RAPGEF4: variants seen among roughly 807,000 people sequenced by gnomAD.
RAPGEF4 encodes Rap guanine nucleotide exchange factor 4.
Under a neutral mutation model 147.9 loss-of-function variants are expected in RAPGEF4, and 66 were observed. The observed-to-expected ratio is 0.45, with a 90% CI of 0.37 to 0.55. The LOEUF (loss-of-function observed/expected upper bound fraction) is 0.55. RAPGEF4 is among the 20% of genes least tolerant of loss of function. The pLI, the probability that RAPGEF4 is intolerant of heterozygous loss-of-function variation, is 0.00. For missense variants in RAPGEF4, 1,071 were observed against 1,257.3 expected (o/e 0.85, Z 2.24); for synonymous variants, 419 against 442.7 (o/e 0.95, Z 0.67).
intron 4 of RAPGEF4, among the ~76,000 whole-genome samples, chr2:172,887,889 A>G (rs1020684463): frequency 1.9e-4 from 29 of 152,060 alleles, no homozygotes; most frequent in Non-Finnish European, 4.4e-5. Context: ...AGACTTCTGA[A>G]TTCCTCAAAA....
At chr2:172,819,187 G>C (rs1267800629) in intron 4 of RAPGEF4, among the ~76,000 whole-genome samples, 1 of 151,878 alleles carries the variant, frequency 6.6e-6, no homozygotes, top group African/African-American at 2.4e-5. Context: ...GAGGGTACTG[G>C]GTTGCTCTAT....
intron 4 of RAPGEF4, among the ~76,000 whole-genome samples, chr2:172,910,765 GGA>G (rs1559113857): frequency 6.6e-6 from 1 of 152,238 alleles, no homozygotes; most frequent in African/African-American, 2.4e-5. Context: ...CAGCACCCCA[GGA>G]GAGAGCATTT....
At chr2:172,853,139 T>A (rs1693045237) in intron 4 of RAPGEF4, among the ~76,000 whole-genome samples, 1 of 152,072 alleles carries the variant, frequency 6.6e-6, no homozygotes, top group South Asian at 2.1e-4. Flanking sequence ...GGTATCAGGA[T>A]TATGCTGGCT....
intron 23 of RAPGEF4, among the ~76,000 whole-genome samples, chr2:173,024,029 A>G (rs1271531260): frequency 2.0e-5 from 3 of 152,148 alleles, no homozygotes; most frequent in Non-Finnish European, 2.9e-5. Flanking sequence ...TTGTTTCCAT[A>G]TGCTACTTGC....
At chr2:172,901,806 T>C (rs1699082069) in intron 4 of RAPGEF4, among the ~76,000 whole-genome samples, 2 of 152,174 alleles carry the variant, frequency 1.3e-5, no homozygotes, top group African/African-American at 4.8e-5. Context: ...CCCAGGCAAG[T>C]GTTCTAGGGT....
At chr2:172,865,469 A>G (rs1694531581) in intron 4 of RAPGEF4, among the ~76,000 whole-genome samples, 1 of 152,202 alleles carries the variant, frequency 6.6e-6, no homozygotes, top group South Asian at 2.1e-4. Flanking sequence ...TTTCTTGAGG[A>G]GTCAGCCAAG....
chr2:173,019,419 C>T (rs1329949849), intron 22 of RAPGEF4, among the ~76,000 whole-genome samples: 1 of 152,242 alleles, frequency 6.6e-6, no homozygotes, highest in African/African-American at 2.4e-5. Flanking sequence ...CTCACGTCCC[C>T]AGGTTGTTCC....
chr2:172,880,407 T>C (rs1027724571), intron 4 of RAPGEF4, among the ~76,000 whole-genome samples: 2 of 152,242 alleles, frequency 1.3e-5, no homozygotes, highest in African/African-American at 4.8e-5. Context: ...TGTTTACATG[T>C]CAGTCTTCTT....
chr2:172,817,977 C>T (rs1443619989), intron 4 of RAPGEF4, among the ~76,000 whole-genome samples: 1 of 145,870 alleles, frequency 6.9e-6, no homozygotes, highest in Admixed American at 6.9e-5. Flanking sequence ...TATATATATA[C>T]ACACACACCA....
intron 26 of RAPGEF4, among the ~76,000 whole-genome samples, chr2:173,033,343 T>C (rs1697374327): frequency 6.6e-6 from 1 of 152,190 alleles, no homozygotes; most frequent in Non-Finnish European, 1.5e-5. Context: ...GACTTAATTT[T>C]TTCCATCTGT....
Position 172,917,694 on chromosome 2 carries a change from G to T in RAPGEF4, c.445-108G>T, listed in dbSNP as rs1207755145. The T allele has an allele frequency of 6.6e-6, 6 of 914,252 alleles. No homozygotes were observed. In the East Asian group the frequency reaches 9.6e-5, roughly 15 times the overall value. 56.6% of individuals were successfully genotyped at this position (914,252 alleles called of 1,614,324 possible). On this transcript the variant is annotated intron_variant, in intron 4 of 30. Coordinates refer to ENST00000397081, the MANE Select transcript of RAPGEF4 (RefSeq NM_007023.4). ...CGTTTCATGGCTCTATAAATACAAG[G>T]CTCAGATGCTTCCTGACACCCAGCA... is the stretch of plus-strand genomic sequence containing the variant.
intron 4 of RAPGEF4, among the ~76,000 whole-genome samples, chr2:172,904,335 A>G (rs962190142): frequency 6.6e-6 from 1 of 152,216 alleles, no homozygotes; most frequent in African/African-American, 2.4e-5. Context: ...TCCCATTTAT[A>G]TGTTCACTGG....
chr2:172,804,682 G>A (rs938049930), intron 3 of RAPGEF4, among the ~76,000 whole-genome samples: 3 of 152,186 alleles, frequency 2.0e-5, no homozygotes, highest in Admixed American at 1.3e-4. Context: ...CTGCTCCCAA[G>A]GGCACCTGCT....
chr2:172,783,521 G>A (rs1381996596), intron 1 of RAPGEF4, among the ~76,000 whole-genome samples: 1 of 152,166 alleles, frequency 6.6e-6, no homozygotes, highest in African/African-American at 2.4e-5. Context: ...TGCCCTGTCT[G>A]ACTGATGATC....
intron 30 of RAPGEF4, 95 bp downstream of exon 30, chr2:173,048,749 T>C (rs1428910531): frequency 1.1e-5 from 17 of 1,579,392 alleles, no homozygotes; most frequent in South Asian, 3.5e-5. Flanking sequence ...CTGGGAAATA[T>C]CTGACTGTGT....
intron 4 of RAPGEF4, among the ~76,000 whole-genome samples, chr2:172,832,591 A>C (rs1346082250): frequency 1.3e-5 from 2 of 152,248 alleles, no homozygotes; most frequent in African/African-American, 4.8e-5. Context: ...AAGACCATTT[A>C]ACTTACATGC....
chr2:172,787,893 T>A (rs1036769447), intron 1 of RAPGEF4, among the ~76,000 whole-genome samples: 10 of 152,174 alleles, frequency 6.6e-5, no homozygotes, highest in African/African-American at 2.4e-4. Flanking sequence ...ATGCTGGAAT[T>A]ACAGGTGTGA....
At chr2:172,978,194 TCA>T (rs368210457) in intron 10 of RAPGEF4, among the ~76,000 whole-genome samples, 2,701 of 144,600 alleles carry the variant, frequency 0.019, 82 homozygotes, top group African/African-American at 0.063. Flanking sequence ...GATGTAGTGG[TCA>T]CACCCCCCCC....
intron 29 of RAPGEF4, among the ~76,000 whole-genome samples, chr2:173,041,118 A>C (rs1016073372): frequency 2.0e-5 from 3 of 152,212 alleles, no homozygotes; most frequent in African/African-American, 7.2e-5. Flanking sequence ...CTAATTCATT[A>C]AGGAAGAGAA....
Sources: gnomAD v4.1 joint callset for allele counts (sites outside exome capture counted in the v4.1 genomes callset) on GRCh38, gnomAD v4.1.1 for gene constraint, MANE v1.5 for transcripts, NCBI Gene and HGNC (gene_info 2026-07-23, HGNC 2026-07-21) for gene names.